EPB41L3: variants seen among roughly 807,000 people sequenced by gnomAD.
The protein encoded by EPB41L3 is erythrocyte membrane protein band 4.1 like 3, also known as band 4.1-like protein 3.
EPB41L3 carries 57 observed loss-of-function variants against 127.1 expected under a neutral mutation model. The ratio of observed to expected loss-of-function variants is 0.45; its 90% CI spans 0.36 to 0.56. EPB41L3 has a LOEUF of 0.56. EPB41L3 is among the 20% of genes least tolerant of loss of function. EPB41L3 has a pLI of 0.00. For missense variants in EPB41L3, 1,273 were observed against 1,372.2 expected, an observed-to-expected ratio of 0.93 and a Z score of 1.14; for synonymous variants, 572 against 549.5, an observed-to-expected ratio of 1.04 and a Z score of -0.57.
In EPB41L3 at chr18:5,416,299, C is replaced by A. The variant is rs535925015; in HGVS notation, c.1586G>T (p.Arg529Leu). Residue 529 changes from arginine to leucine, a missense_variant, in exon 13 of 23, where the codon CGT becomes CTT. By Grantham distance (102) the Arg-to-Leu change is moderately radical (BLOSUM62 -2). This residue lies in a region of EPB41L3 where 765 missense variants were observed against 782.9 expected (regional missense o/e 0.98). Coordinates refer to ENST00000341928, the MANE Select transcript of EPB41L3 (RefSeq NM_012307.5). ...HCAPTSPTEL[R>L]RRCKENDCKL... ...GCAGTCATTCTCCTTACACCTCCTA[C>A]GGAGCTCTGTGGGAGATGTGGGGGC... 6.2e-7 allele frequency: 1 copy of A among 1,614,012 alleles called. No homozygotes were observed. Among genetic ancestry groups the A allele is most frequent in the Admixed American group, 1.7e-5 (1 of 60,014 alleles).
upstream of EPB41L3, among the ~76,000 whole-genome samples, chr18:5,547,014 A>G (rs1411629291): frequency 2.0e-5 from 3 of 151,778 alleles, no homozygotes; most frequent in Non-Finnish European, 4.4e-5. Context: ...GTATGGTTCA[A>G]TAATATTAGG....
intron 3 of EPB41L3, among the ~76,000 whole-genome samples, chr18:5,607,641 C>G (rs2094675484): frequency 6.6e-6 from 1 of 152,268 alleles, no homozygotes; most frequent in African/African-American, 2.4e-5. Context: ...AGATTCTACA[C>G]AGTTTGACTT....
At chr18:5,433,840 G>C (rs1445661014) in intron 7 of EPB41L3, 63 bp downstream of exon 7, 16 of 1,529,214 alleles carry the variant, frequency 1.0e-5, no homozygotes, top group Non-Finnish European at 1.3e-5. Flanking sequence ...GGAAGAGGTG[G>C]GTTGTGTGCG....
chr18:5,496,486 G>A (rs1045837444), intron 1 of EPB41L3, among the ~76,000 whole-genome samples: 3 of 152,222 alleles, frequency 2.0e-5, no homozygotes, highest in African/African-American at 7.2e-5. Flanking sequence ...GAGAGGCAGG[G>A]TTCCCCTGGG....
rs2076602289 is a variant in EPB41L3 at position 5,414,840 on chromosome 18, A to G, written c.2067+978T>C. On this transcript the variant is annotated intron_variant, in intron 13 of 22. Coordinates refer to ENST00000341928, the MANE Select transcript of EPB41L3 (RefSeq NM_012307.5). ...GAAAGGAGAACAATTAACAGGAAAA[A>G]CTACTGGCTACCATGTCAGCTCGCC... Among the ~76,000 whole-genome samples the G allele has an allele frequency of 2.0e-5, 3 of 152,212 alleles. No homozygotes were observed. In the South Asian group the frequency reaches 6.2e-4, roughly 32 times the overall value.
chr18:5,407,760 G>C, intron 14 of EPB41L3, 24 bp from the exon 15 acceptor site: 1 of 1,612,852 alleles, frequency 6.2e-7, no homozygotes, highest in South Asian at 1.1e-5. Flanking sequence ...GAAAGAGTGG[G>C]AAATAAAGTC....
intron 3 of EPB41L3, among the ~76,000 whole-genome samples, chr18:5,469,320 C>T (rs1392093791): frequency 1.3e-5 from 2 of 152,188 alleles, no homozygotes; most frequent in Admixed American, 6.5e-5. Flanking sequence ...TCACTGCGTT[C>T]CCCTTGTCCA....
chr18:5,530,834 G>A (rs2093388432), intron 1 of EPB41L3, among the ~76,000 whole-genome samples: 1 of 152,180 alleles, frequency 6.6e-6, no homozygotes, highest in Non-Finnish European at 1.5e-5. Flanking sequence ...GCACTTGGGA[G>A]GCAACAATTA....
At chr18:5,616,014 T>C (rs921358932) in intron 1 of EPB41L3, among the ~76,000 whole-genome samples, 9 of 152,278 alleles carry the variant, frequency 5.9e-5, no homozygotes, top group African/African-American at 1.9e-4. Context: ...CTGGTTTCCC[T>C]GGATTTCTCC....
chr18:5,594,135 T>C (rs1278504153), intron 3 of EPB41L3, among the ~76,000 whole-genome samples: 1 of 152,220 alleles, frequency 6.6e-6, no homozygotes, highest in Non-Finnish European at 1.5e-5. Context: ...TAAGTGTCCA[T>C]GAAATCTTCA....
intron 1 of EPB41L3, among the ~76,000 whole-genome samples, chr18:5,524,043 T>C (rs542025470): frequency 6.6e-6 from 1 of 152,236 alleles, no homozygotes; most frequent in African/African-American, 2.4e-5. Flanking sequence ...AAATAATAAT[T>C]CATTTAATTC....
intron 1 of EPB41L3, among the ~76,000 whole-genome samples, chr18:5,491,711 G>GTAT (rs1466286563): frequency 6.6e-6 from 1 of 151,830 alleles, no homozygotes; most frequent in Non-Finnish European, 1.5e-5. Flanking sequence ...CAGCACTATA[G>GTAT]GCATAATATA....
chr18:5,544,011 A>C, upstream of EPB41L3: 1 of 985,392 alleles, frequency 1.0e-6, no homozygotes, highest in South Asian at 4.7e-5. Flanking sequence ...CGTGGGGAGG[A>C]AGCCGCAGCC....
intron 8 of EPB41L3, among the ~76,000 whole-genome samples, chr18:5,431,961 T>C (rs1260084047): frequency 6.6e-6 from 1 of 152,202 alleles, no homozygotes; most frequent in African/African-American, 2.4e-5. Context: ...GTTGTAATTA[T>C]ACACAAATGT....
intron 3 of EPB41L3, among the ~76,000 whole-genome samples, chr18:5,580,817 C>T (rs1599096768): frequency 2.0e-5 from 3 of 152,320 alleles, no homozygotes; most frequent in Admixed American, 6.5e-5. Context: ...GAGTAGTCCA[C>T]GCAAGAAGCA....
chr18:5,569,448 T>G (rs1192328453), intron 3 of EPB41L3, among the ~76,000 whole-genome samples: 2 of 152,114 alleles, frequency 1.3e-5, no homozygotes, highest in African/African-American at 4.8e-5. Context: ...TCCCCCTAAT[T>G]AGAGATACCC....
In EPB41L3 at chr18:5,434,091, G is replaced by A; in HGVS notation, c.636C>T (p.Asp212=). Residue 212 remains aspartate, a synonymous_variant, in exon 7 of 23, where the codon GAC becomes GAT. Coordinates refer to ENST00000341928, the MANE Select transcript of EPB41L3 (RefSeq NM_012307.5). ...RYYLCLQLRD[D]IVSGRLPCSF... Reference sequence around the variant, plus strand: ...AGCAGGGCAGCCTTCCGGACACGATGTCATCTCGCAACTGCAAGCAGAGGT... The same window carrying A: ...AGCAGGGCAGCCTTCCGGACACGATATCATCTCGCAACTGCAAGCAGAGGT... 1.2e-6 allele frequency: 2 copies of A among 1,614,122 alleles called. No homozygotes were observed. Among genetic ancestry groups the A allele is most frequent in the Non-Finnish European group, 1.7e-6 (2 of 1,180,014 alleles).
chr18:5,494,288 C>A (rs1051456036), intron 1 of EPB41L3, among the ~76,000 whole-genome samples: 1 of 152,160 alleles, frequency 6.6e-6, no homozygotes, highest in Admixed American at 6.5e-5. Flanking sequence ...GGGACTGGGA[C>A]AGCACTTCCC....
At chr18:5,576,918 T>C (rs554566856) in intron 3 of EPB41L3, among the ~76,000 whole-genome samples, 5 of 152,164 alleles carry the variant, frequency 3.3e-5, no homozygotes, top group Non-Finnish European at 7.3e-5. Context: ...ATCCCCTAAA[T>C]TGAAGTTGCC....
Sources: allele counts gnomAD v4.1 joint callset (sites outside exome capture counted in the v4.1 genomes callset), GRCh38; gene constraint gnomAD v4.1.1; regional missense constraint gnomAD v4.1.1; transcripts MANE v1.5; gene names NCBI Gene and HGNC (gene_info 2026-07-23, HGNC 2026-07-21).